DOCK4: variants seen among roughly 807,000 people sequenced by gnomAD.
The protein encoded by DOCK4 is dedicator of cytokinesis protein 4.
In DOCK4, 97 loss-of-function variants were observed where a neutral mutation model predicts 268.1. The observed-to-expected ratio is 0.36, with a 90% CI of 0.31 to 0.43. The LOEUF (loss-of-function observed/expected upper bound fraction) is 0.43. DOCK4 is among the 20% of genes least tolerant of loss of function. The pLI is 1.00. For missense variants in DOCK4, 2,145 were observed against 2,455.7 expected, an observed-to-expected ratio of 0.87 and a Z score of 2.67; for synonymous variants, 954 against 887.2, an observed-to-expected ratio of 1.08 and a Z score of -1.34.
intron 13 of DOCK4, among the ~76,000 whole-genome samples, chr7:111,910,871 G>A (rs560777617): frequency 6.6e-6 from 1 of 152,302 alleles, no homozygotes; most frequent in South Asian, 2.1e-4. Flanking sequence ...AGAGTCCAGA[G>A]GACTTCATGA....
chr7:111,840,572 A>C (rs1198678855), intron 25 of DOCK4, among the ~76,000 whole-genome samples: 1 of 152,138 alleles, frequency 6.6e-6, no homozygotes, highest in African/African-American at 2.4e-5. Context: ...AAGTTCAAAA[A>C]ACAGTCGGTG....
intron 10 of DOCK4, among the ~76,000 whole-genome samples, chr7:111,942,892 C>T (rs969490259): frequency 6.6e-6 from 1 of 152,120 alleles, no homozygotes; most frequent in Non-Finnish European, 1.5e-5. Flanking sequence ...TGAGAGGCAC[C>T]CTTTCTGCAG....
At chr7:112,095,059 C>T (rs1163104154) in intron 1 of DOCK4, among the ~76,000 whole-genome samples, 2 of 152,154 alleles carry the variant, frequency 1.3e-5, no homozygotes, top group African/African-American at 4.8e-5. Flanking sequence ...CAGCCTAATA[C>T]AGGACTTTTA....
At position 111,758,882 on chromosome 7, in the gene DOCK4, T is replaced by C. The variant is rs913464507; in HGVS notation, c.4163-92A>G. The C allele has an allele frequency of 3.4e-6, 4 of 1,165,038 alleles. No homozygotes were observed. The African/African-American group carries it at 6.2e-5, about 18-fold the overall frequency. 72.2% of individuals were successfully genotyped at this position (1,165,038 alleles called of 1,614,324 possible). On this transcript the variant is annotated intron_variant, in intron 40 of 52. Coordinates refer to ENST00000428084, the MANE Select transcript of DOCK4 (RefSeq NM_001363540.2). ...GCTATGGCAGAGAGAAGAGGATGGG[T>C]AACAATCTTCTGTTTCCATTTCAGT... is the stretch of plus-strand genomic sequence containing the variant.
chr7:111,847,911 C>A (rs1008963125), intron 23 of DOCK4, among the ~76,000 whole-genome samples: 2 of 152,214 alleles, frequency 1.3e-5, no homozygotes, highest in African/African-American at 4.8e-5. Context: ...GCTAAGTTAA[C>A]ATTATGTTTT....
chr7:111,841,201 G>A (rs1266061238), intron 25 of DOCK4, among the ~76,000 whole-genome samples: 2 of 151,980 alleles, frequency 1.3e-5, no homozygotes, highest in African/African-American at 4.8e-5. Flanking sequence ...GTCTCACTCT[G>A]TCACCTAGGC....
chr7:112,071,401 A>G (rs1250787421), intron 1 of DOCK4, among the ~76,000 whole-genome samples: 2 of 152,170 alleles, frequency 1.3e-5, no homozygotes, highest in African/African-American at 4.8e-5. Flanking sequence ...GGAAGACCCA[A>G]TCAATACTGA....
intron 1 of DOCK4, 92 bp from the exon 2 acceptor site, chr7:112,004,223 G>T: frequency 3.1e-6 from 3 of 956,388 alleles, no homozygotes; most frequent in Admixed American, 2.5e-5. Context: ...AATATAAATA[G>T]GAAGTATAAT....
chr7:111,824,679 G>C (rs1802261602), intron 26 of DOCK4, among the ~76,000 whole-genome samples: 1 of 152,116 alleles, frequency 6.6e-6, no homozygotes, highest in Non-Finnish European at 1.5e-5. Context: ...TATCTTACCA[G>C]CTAGCAACTT....
intron 1 of DOCK4, among the ~76,000 whole-genome samples, chr7:112,067,229 AAAC>A (rs954778040): frequency 8.1e-5 from 12 of 147,720 alleles, no homozygotes; most frequent in African/African-American, 2.9e-4. Context: ...CAGAAAAAAA[AAAC>A]ACCTTTACTT....
chr7:112,146,914 A>C (rs1025235281), intron 1 of DOCK4, among the ~76,000 whole-genome samples: 1 of 152,206 alleles, frequency 6.6e-6, no homozygotes, highest in Admixed American at 6.5e-5. Context: ...TAGGGAAACC[A>C]GTAATGCAAA....
chr7:111,939,514 CAAAAAAAAAA>C (rs55951068), intron 11 of DOCK4, among the ~76,000 whole-genome samples: 1 of 80,700 alleles, frequency 1.2e-5, no homozygotes, highest in African/African-American at 4.7e-5. Flanking sequence ...GACTCCTTCT[CAAAAAAAAAA>C]AAAAAAAAAA....
intron 1 of DOCK4, among the ~76,000 whole-genome samples, chr7:112,105,190 G>A (rs1342244260): frequency 6.6e-6 from 1 of 152,178 alleles, no homozygotes; most frequent in African/African-American, 2.4e-5. Flanking sequence ...ATAGAGGACA[G>A]ATTCCTAAGC....
chr7:111,735,339 T>C (rs1057017622), intron 50 of DOCK4, among the ~76,000 whole-genome samples, 172 bp from the exon 51 acceptor site: 4 of 152,254 alleles, frequency 2.6e-5, no homozygotes, highest in African/African-American at 9.6e-5. Context: ...CTAACAGTTA[T>C]AGTTACCATT....
At chr7:111,943,221 A>C (rs1384267599) in intron 10 of DOCK4, among the ~76,000 whole-genome samples, 1 of 152,208 alleles carries the variant, frequency 6.6e-6, no homozygotes, top group African/African-American at 2.4e-5. Context: ...TGACTTAATG[A>C]CCATAACAAT....
At chr7:112,005,115 C>T (rs1586621758) in intron 1 of DOCK4, among the ~76,000 whole-genome samples, 2 of 152,248 alleles carry the variant, frequency 1.3e-5, no homozygotes, top group East Asian at 3.9e-4. Context: ...TAACAATTCA[C>T]ATCAAAAGAA....
chr7:111,728,893 A>T (rs564125702), intron 52 of DOCK4, among the ~76,000 whole-genome samples, 173 bp from the exon 53 acceptor site: 9 of 152,252 alleles, frequency 5.9e-5, no homozygotes, highest in Non-Finnish European at 1.2e-4. Context: ...ATTATGGTGG[A>T]TCCTAATCCA....
intron 15 of DOCK4, among the ~76,000 whole-genome samples, chr7:111,900,107 T>C (rs1791015727): frequency 6.6e-6 from 1 of 152,180 alleles, no homozygotes; most frequent in Non-Finnish European, 1.5e-5. Context: ...TCACATGCCA[T>C]GAAAAGTCCT....
chr7:112,189,432 T>C (rs1055413328), intron 1 of DOCK4, among the ~76,000 whole-genome samples: 18 of 152,196 alleles, frequency 1.2e-4, no homozygotes, highest in Admixed American at 6.5e-5. Context: ...CATTACATGG[T>C]GGCCAGAGGA....
Sources: gnomAD v4.1 joint callset for allele counts (sites outside exome capture counted in the v4.1 genomes callset) on GRCh38, gnomAD v4.1.1 for gene constraint, MANE v1.5 for transcripts, NCBI Gene and HGNC (gene_info 2026-07-23, HGNC 2026-07-21) for gene names.